The following HDAC9 variants were observed in gnomAD, a reference collection of about 807,000 sequenced individuals.
HDAC9 encodes histone deacetylase 9, also known as MEF-2 interacting transcription repressor (MITR) protein.
Under a neutral mutation model 139.4 loss-of-function variants are expected in HDAC9, and 41 were observed. That is an observed-to-expected ratio of 0.29 (90% CI 0.23 to 0.38). The LOEUF is 0.38. Ranked by LOEUF, HDAC9 falls within the 10% of genes least tolerant of loss-of-function variation. The pLI is 1.00. For missense variants in HDAC9, 1,147 were observed against 1,297.0 expected (o/e 0.88, Z 1.78); for synonymous variants, 517 against 476.2 (o/e 1.09, Z -1.12).
rs575216748 is a variant in HDAC9 at position 18,859,637 on chromosome 7, C to G, written c.2685-14841C>G. On this transcript the variant is annotated intron_variant, in intron 21 of 25. Coordinates refer to ENST00000686413, the MANE Select transcript of HDAC9 (RefSeq NM_178425.4). ...AACCAAAAATAATACACACTTTTTC[C>G]AAAGACACAAACAGTTCCTTGAAAA... Among the ~76,000 whole-genome samples the G allele has an allele frequency of 1.7e-4, 26 of 151,188 alleles. No individual in the cohort carries two copies. In the South Asian group the frequency reaches 3.4e-3, roughly 19 times the overall value.
chr7:18,329,228 C>A (rs927164607), intron 1 of HDAC9, among the ~76,000 whole-genome samples: 1 of 151,156 alleles, frequency 6.6e-6, no homozygotes, highest in Non-Finnish European at 1.5e-5. Flanking sequence ...TCATTTTTAT[C>A]AAAGGGTACA....
intron 17 of HDAC9, among the ~76,000 whole-genome samples, chr7:18,821,837 C>T (rs557464540): frequency 6.6e-6 from 1 of 152,230 alleles, no homozygotes; most frequent in Non-Finnish European, 1.5e-5. Context: ...GATGTTATTA[C>T]AACCCCCTCT....
intron 2 of HDAC9, among the ~76,000 whole-genome samples, chr7:18,277,217 C>T (rs1275931098): frequency 6.6e-6 from 1 of 152,170 alleles, no homozygotes; most frequent in Non-Finnish European, 1.5e-5. Flanking sequence ...AGTTTGTGCA[C>T]TCCAGAAGAA....
intron 12 of HDAC9, among the ~76,000 whole-genome samples, chr7:18,715,317 T>A (rs1484857530): frequency 3.3e-5 from 5 of 152,186 alleles, no homozygotes; most frequent in Non-Finnish European, 7.4e-5. Flanking sequence ...CTCTCTGTCT[T>A]ATTTTTATTT....
chr7:18,912,422 T>C (rs1220236424), intron 22 of HDAC9, among the ~76,000 whole-genome samples: 1 of 152,150 alleles, frequency 6.6e-6, no homozygotes, highest in African/African-American at 2.4e-5. Flanking sequence ...ATTAAATTTG[T>C]TTTCTTTATC....
chr7:18,619,227 G>A (rs746175596), intron 6 of HDAC9, among the ~76,000 whole-genome samples: 6 of 152,130 alleles, frequency 3.9e-5, no homozygotes, highest in Non-Finnish European at 8.8e-5. Context: ...TCTGATCTAT[G>A]AGACCTCTTG....
At chr7:18,853,057 AGT>A (rs1797420217) in intron 21 of HDAC9, among the ~76,000 whole-genome samples, 1 of 152,106 alleles carries the variant, frequency 6.6e-6, no homozygotes, top group African/African-American at 2.4e-5. Flanking sequence ...TGTTTGTGAA[AGT>A]GTTCAGAATG....
intron 25 of HDAC9, among the ~76,000 whole-genome samples, chr7:18,993,645 T>A (rs945245434): frequency 3.3e-5 from 5 of 152,006 alleles, no homozygotes; most frequent in East Asian, 1.9e-4. Flanking sequence ...ATAATTATTT[T>A]TTTTTTAATT....
intron 13 of HDAC9, among the ~76,000 whole-genome samples, chr7:18,735,145 T>A (rs1478845095): frequency 6.6e-6 from 1 of 152,238 alleles, no homozygotes; most frequent in Non-Finnish European, 1.5e-5. Context: ...TAGCCCTTTG[T>A]CAGATGGGTA....
chr7:18,675,310 T>G (rs566755878), intron 12 of HDAC9, among the ~76,000 whole-genome samples: 5 of 152,102 alleles, frequency 3.3e-5, no homozygotes, highest in African/African-American at 9.6e-5. Flanking sequence ...CTGCAGGAGT[T>G]GCAACTCCAA....
intron 21 of HDAC9, among the ~76,000 whole-genome samples, chr7:18,855,527 G>A (rs1363725659): frequency 6.6e-6 from 1 of 151,784 alleles, no homozygotes; most frequent in African/African-American, 2.4e-5. Context: ...TGAGAACACT[G>A]TTCACAGTTC....
chr7:18,483,431 C>G (rs372501195), intron 1 of HDAC9, among the ~76,000 whole-genome samples: 1 of 152,128 alleles, frequency 6.6e-6, no homozygotes, highest in African/African-American at 2.4e-5. Flanking sequence ...ATTGGAAGAA[C>G]TTTGACCAGT....
intron 1 of HDAC9, among the ~76,000 whole-genome samples, chr7:18,317,729 G>A (rs1020472866): frequency 2.6e-5 from 4 of 152,168 alleles, no homozygotes; most frequent in Admixed American, 6.5e-5. Flanking sequence ...GAATTGTTTC[G>A]GGGGATGGGA....
chr7:18,431,243 T>C (rs950020475), intron 1 of HDAC9, among the ~76,000 whole-genome samples: 6 of 152,202 alleles, frequency 3.9e-5, no homozygotes, highest in Non-Finnish European at 8.8e-5. Flanking sequence ...TCGTTAGATA[T>C]GGTAATGATG....
chr7:18,090,702 G>A (rs1280329183), intron 1 of HDAC9, among the ~76,000 whole-genome samples: 1 of 152,188 alleles, frequency 6.6e-6, no homozygotes, highest in African/African-American at 2.4e-5. Flanking sequence ...GTAGTGGTCA[G>A]AGATCATATT....
At chr7:18,733,163 A>G (rs1183433136) in intron 13 of HDAC9, among the ~76,000 whole-genome samples, 1 of 147,592 alleles carries the variant, frequency 6.8e-6, no homozygotes, top group Non-Finnish European at 1.5e-5. Context: ...ATACACGTGT[A>G]TACACATGTA....
intron 1 of HDAC9, among the ~76,000 whole-genome samples, chr7:18,440,780 A>G (rs528662598): frequency 2.0e-5 from 3 of 152,350 alleles, no homozygotes; most frequent in East Asian, 1.9e-4. Context: ...TTTGTTTGCC[A>G]TAATAAACAA....
chr7:18,172,481 G>A (rs1367345470), intron 2 of HDAC9, among the ~76,000 whole-genome samples: 1 of 151,916 alleles, frequency 6.6e-6, no homozygotes, highest in Non-Finnish European at 1.5e-5. Context: ...GTTATTTCTT[G>A]CCTTCTGCTA....
At chr7:18,456,416 A>G (rs957187490) in intron 1 of HDAC9, among the ~76,000 whole-genome samples, 11 of 151,972 alleles carry the variant, frequency 7.2e-5, no homozygotes, top group Non-Finnish European at 1.3e-4. Flanking sequence ...TTGTATTTTT[A>G]GTTGAGATGG....
Sources: gnomAD v4.1 joint callset for allele counts (sites outside exome capture counted in the v4.1 genomes callset) on GRCh38, gnomAD v4.1.1 for gene constraint, MANE v1.5 for transcripts, NCBI Gene and HGNC (gene_info 2026-07-23, HGNC 2026-07-21) for gene names.